Variants in USP10 observed in about 807,000 individuals in gnomAD.
The protein encoded by USP10 is ubiquitin specific peptidase 10, also known as ubiquitin carboxyl-terminal hydrolase 10.
In USP10, 22 loss-of-function variants were observed where a neutral mutation model predicts 84.5. The ratio of observed to expected loss-of-function variants is 0.26; its 90% CI spans 0.19 to 0.37. The LOEUF is 0.37. Among genes scored for constraint, USP10 ranks in the 10% least tolerant of loss-of-function variants. The pLI is 1.00. For missense variants in USP10, 1,019 were observed against 998.9 expected (o/e 1.02, Z -0.27); for synonymous variants, 454 against 387.6 (o/e 1.17, Z -2.01).
chr16:84,748,602 C>T (rs905182536), intron 4 of USP10, among the ~76,000 whole-genome samples: 45 of 152,192 alleles, frequency 3.0e-4, no homozygotes, highest in African/African-American at 1.1e-3. Context: ...CCGCGCCCAG[C>T]TGAGAATATT....
chr16:84,704,041 T>G (rs1375680125), intron 1 of USP10, among the ~76,000 whole-genome samples: 4 of 152,244 alleles, frequency 2.6e-5, no homozygotes, highest in African/African-American at 7.2e-5. Flanking sequence ...GATTGCTGTT[T>G]AATGCCAAGC....
intron 4 of USP10, among the ~76,000 whole-genome samples, chr16:84,757,674 GTATC>G (rs1912743738): frequency 6.6e-6 from 1 of 152,036 alleles, no homozygotes; most frequent in Admixed American, 6.6e-5. Flanking sequence ...CATAGTAGGT[GTATC>G]TATTTGTGGG....
intron 4 of USP10, 87 bp downstream of exon 4, chr16:84,745,760 A>G (rs1422045028): frequency 2.9e-6 from 4 of 1,358,944 alleles, no homozygotes; most frequent in Middle Eastern, 1.8e-4. Context: ...ACCCATAACA[A>G]TGGCAGATTA....
chr16:84,720,914 G>T (rs1038377345), intron 1 of USP10, among the ~76,000 whole-genome samples: 3 of 147,220 alleles, frequency 2.0e-5, no homozygotes, highest in Non-Finnish European at 3.0e-5. Flanking sequence ...TTTTTTTTGG[G>T]AAGGAGTCTC....
At chr16:84,700,824 T>C (rs551700707) in intron 1 of USP10, among the ~76,000 whole-genome samples, 8 of 152,146 alleles carry the variant, frequency 5.3e-5, no homozygotes, top group African/African-American at 1.9e-4. Context: ...TTTACAATAA[T>C]CCCGTGGTGG....
intron 4 of USP10, among the ~76,000 whole-genome samples, chr16:84,749,944 C>T (rs990945718): frequency 6.6e-5 from 10 of 152,076 alleles, no homozygotes; most frequent in Non-Finnish European, 1.0e-4. Context: ...GAGAAGGACA[C>T]GCCAGGGGAG....
intron 1 of USP10, among the ~76,000 whole-genome samples, chr16:84,713,746 A>G (rs996305075): frequency 6.6e-6 from 1 of 152,218 alleles, no homozygotes; most frequent in Non-Finnish European, 1.5e-5. Flanking sequence ...CCATCACAGG[A>G]GAGTCCCCGG....
intron 6 of USP10, 98 bp from the exon 7 acceptor site, chr16:84,759,793 A>G (rs1308453577): frequency 8.1e-6 from 10 of 1,235,492 alleles, no homozygotes; most frequent in South Asian, 2.5e-5. Flanking sequence ...AATCTACTAT[A>G]CTCGTATAGC....
intron 13 of USP10, among the ~76,000 whole-genome samples, chr16:84,777,681 T>A (rs1473915129): frequency 6.6e-6 from 1 of 151,928 alleles, no homozygotes. Context: ...CACTGTCCTC[T>A]AGCCAGCCAA....
At chr16:84,730,332 A>C (rs1268490017) in intron 1 of USP10, among the ~76,000 whole-genome samples, 1 of 151,862 alleles carries the variant, frequency 6.6e-6, no homozygotes, top group Non-Finnish European at 1.5e-5. Flanking sequence ...TATTTTGAAG[A>C]TCTCTCGCTG....
At chr16:84,775,370 G>A in intron 13 of USP10, 145 bp downstream of exon 13, 2 of 728,040 alleles carry the variant, frequency 2.7e-6, no homozygotes, top group South Asian at 3.2e-5. Context: ...GGAGTCACGT[G>A]AGAGTTTTAC....
intron 1 of USP10, among the ~76,000 whole-genome samples, chr16:84,705,823 G>A (rs1403766751): frequency 1.4e-5 from 2 of 148,006 alleles, no homozygotes; most frequent in African/African-American, 2.5e-5. Flanking sequence ...AGATTCAAGC[G>A]ATTCTCCTGC....
chr16:84,750,417 A>C (rs946135198), intron 4 of USP10, among the ~76,000 whole-genome samples: 2 of 151,810 alleles, frequency 1.3e-5, no homozygotes, highest in African/African-American at 2.4e-5. Context: ...AAAAAAAAAA[A>C]AAAACCCAAA....
At chr16:84,727,982 T>TA (rs1908727403) in intron 1 of USP10, among the ~76,000 whole-genome samples, 1 of 152,240 alleles carries the variant, frequency 6.6e-6, no homozygotes, top group Admixed American at 6.5e-5. Flanking sequence ...GAAATGTATT[T>TA]AGTTATCATG....
intron 3 of USP10, among the ~76,000 whole-genome samples, chr16:84,743,236 C>T (rs751235925): frequency 1.3e-5 from 2 of 152,156 alleles, no homozygotes; most frequent in Non-Finnish European, 2.9e-5. Context: ...CATAAACTTG[C>T]TGTTAGGTGT....
chr16:84,717,127 TA>T (rs1409584650), intron 1 of USP10, among the ~76,000 whole-genome samples: 1 of 152,174 alleles, frequency 6.6e-6, no homozygotes, highest in African/African-American at 2.4e-5. Context: ...AGCTCCTAGG[TA>T]ATTCCTAGGC....
intron 2 of USP10, among the ~76,000 whole-genome samples, chr16:84,734,770 T>C (rs1422165298): frequency 6.6e-6 from 1 of 152,234 alleles, no homozygotes; most frequent in African/African-American, 2.4e-5. Context: ...TTTCAGATTT[T>C]GTTTTCACGC....
chr16:84,733,207 T>G, intron 1 of USP10: 1 of 595,432 alleles, frequency 1.7e-6, no homozygotes, highest in South Asian at 1.6e-5. Context: ...AAAATAAGCT[T>G]TATCAGTTTC....
chr16:84,772,714 C>G, intron 12 of USP10, 29 bp downstream of exon 12: 3 of 1,611,326 alleles, frequency 1.9e-6, no homozygotes, highest in Non-Finnish European at 2.5e-6. Context: ...CGGGAGTGTT[C>G]GTGGTGACAC....
Sources: allele counts gnomAD v4.1 joint callset (sites outside exome capture counted in the v4.1 genomes callset), GRCh38; gene constraint gnomAD v4.1.1; transcripts MANE v1.5; gene names NCBI Gene and HGNC (gene_info 2026-07-23, HGNC 2026-07-21).